ANKRD31: variants seen among roughly 807,000 people sequenced by gnomAD.
ANKRD31 encodes the protein ankyrin repeat domain 31, also known as ankyrin repeat domain-containing protein 31.
ANKRD31 carries 147 observed loss-of-function variants against 186.0 expected under a neutral mutation model. The observed-to-expected ratio is 0.79, with a 90% confidence interval of 0.69 to 0.91. The LOEUF is 0.91. ANKRD31 is among the 40% of genes least tolerant of loss of function. The pLI is 0.00. For missense variants in ANKRD31, 1,986 were observed against 2,148.8 expected (o/e 0.92, Z 1.50); for synonymous variants, 673 against 736.4 (o/e 0.91, Z 1.39).
intron 22 of ANKRD31, among the ~76,000 whole-genome samples, chr5:75,098,878 A>T (rs1746561984): frequency 1.3e-5 from 2 of 152,216 alleles, no homozygotes; most frequent in Admixed American, 6.5e-5. Context: ...ATCTGCAAAC[A>T]GGGACAATTT....
chr5:75,173,766 G>A (rs1753547233), intron 10 of ANKRD31, among the ~76,000 whole-genome samples: 1 of 152,130 alleles, frequency 6.6e-6, no homozygotes, highest in Non-Finnish European at 1.5e-5. Context: ...CCATGCTCAT[G>A]GATACGACAA....
intron 9 of ANKRD31, among the ~76,000 whole-genome samples, chr5:75,189,668 T>C (rs1038599630): frequency 2.6e-5 from 4 of 152,240 alleles, no homozygotes; most frequent in African/African-American, 7.2e-5. Flanking sequence ...GTACTTGTTA[T>C]ATTATAATTA....
At chr5:75,091,585 C>T (rs1291090803) in intron 22 of ANKRD31, among the ~76,000 whole-genome samples, 184 bp from the exon 23 acceptor site, 1 of 151,994 alleles carries the variant, frequency 6.6e-6, no homozygotes, top group East Asian at 1.9e-4. Flanking sequence ...ACCATCTAGT[C>T]AACAAAATCT....
chr5:75,116,176 G>T lies in ANKRD31; in HGVS notation c.4155+390C>A, dbSNP rs1328894212. On this transcript the variant is annotated intron_variant, in intron 19 of 25. Transcript: ENST00000506364. Reference sequence around the variant, plus strand: ...TCACAAGAACAAAAAACCAAACACCGCATATTCTCACTCATAGGTGGGAAT... The same window carrying T: ...TCACAAGAACAAAAAACCAAACACCTCATATTCTCACTCATAGGTGGGAAT... 2.7e-5 allele frequency among the ~76,000 whole-genome samples: 4 copies of T among 146,158 alleles called. No homozygotes were observed. The East Asian group carries it at 8.3e-4, about 30-fold the overall frequency.
At chr5:75,166,130 C>T (rs752114477) in intron 11 of ANKRD31, among the ~76,000 whole-genome samples, 32 of 152,070 alleles carry the variant, frequency 2.1e-4, no homozygotes, top group Admixed American at 5.2e-4. Flanking sequence ...CCAAACAGTC[C>T]AGAGTTCTAC....
chr5:75,227,531 C>T (rs960434099), intron 2 of ANKRD31, among the ~76,000 whole-genome samples: 6 of 152,058 alleles, frequency 3.9e-5, no homozygotes, highest in Non-Finnish European at 8.8e-5. Context: ...TAAATATATA[C>T]ACCTACTATG....
chr5:75,104,185 T>A (rs140530028), intron 22 of ANKRD31, 43 bp downstream of exon 22: 2 of 1,388,624 alleles, frequency 1.4e-6, no homozygotes, highest in African/African-American at 1.5e-5. Flanking sequence ...TACTCACTTA[T>A]TTATAAAATT....
intron 10 of ANKRD31, among the ~76,000 whole-genome samples, chr5:75,181,070 C>T (rs1356641491): frequency 6.6e-6 from 1 of 150,906 alleles, no homozygotes; most frequent in African/African-American, 2.4e-5. Flanking sequence ...AAAAAGTGGG[C>T]AAAGGATATG....
rs547044345 is a variant in ANKRD31 at position 75,160,469 on chromosome 5, G to C, written c.1708-6124C>G. On this transcript the variant is annotated intron_variant, in intron 11 of 25. Coordinates refer to ENST00000506364, the MANE Select transcript of ANKRD31 (RefSeq NM_001372053.1). Reference sequence around the variant, plus strand: ...ACTGAAAACAAAAAGGGAAATGGCAGGTTTAAATCCAACCATATCAATAAC... The same window carrying C: ...ACTGAAAACAAAAAGGGAAATGGCACGTTTAAATCCAACCATATCAATAAC... Among the ~76,000 whole-genome samples the C allele has an allele frequency of 7.8e-4, 118 of 152,178 alleles. 1 individual carries two copies. Among genetic ancestry groups the C allele is most frequent in the African/African-American group, 2.7e-3 (112 of 41,540 alleles).
At chr5:75,133,661 G>A (rs990257041) in intron 17 of ANKRD31, among the ~76,000 whole-genome samples, 47 of 151,934 alleles carry the variant, frequency 3.1e-4, no homozygotes, top group African/African-American at 9.4e-4. Flanking sequence ...TGCATCAAGG[G>A]GACCTAATAG....
intron 14 of ANKRD31, among the ~76,000 whole-genome samples, chr5:75,144,606 A>G (rs1751296610): frequency 6.6e-6 from 1 of 152,180 alleles, no homozygotes; most frequent in Admixed American, 6.5e-5. Context: ...AAGATGGATT[A>G]AAGACTTAAA....
At chr5:75,128,526 A>G (rs1253001461) in intron 17 of ANKRD31, among the ~76,000 whole-genome samples, 1 of 100,216 alleles carries the variant, frequency 1.0e-5, no homozygotes, top group African/African-American at 5.9e-5. Flanking sequence ...TATTTTTGAG[A>G]TGGAGTCTGG....
chr5:75,102,681 C>G (rs1309009919), intron 22 of ANKRD31, among the ~76,000 whole-genome samples: 1 of 152,238 alleles, frequency 6.6e-6, no homozygotes, highest in Non-Finnish European at 1.5e-5. Flanking sequence ...TGATCTCAGA[C>G]TGCTGTGTTA....
chr5:75,118,463 C>G (rs1176845485), intron 17 of ANKRD31, among the ~76,000 whole-genome samples, 166 bp from the exon 18 acceptor site: 1 of 152,094 alleles, frequency 6.6e-6, no homozygotes, highest in Non-Finnish European at 1.5e-5. Flanking sequence ...GCAAACTAAT[C>G]CAATTTGGAC....
intron 11 of ANKRD31, among the ~76,000 whole-genome samples, chr5:75,156,489 C>T (rs1257070489): frequency 2.0e-5 from 3 of 152,178 alleles, no homozygotes; most frequent in African/African-American, 7.2e-5. Context: ...AAAATGCCCC[C>T]TCATCCACCC....
At chr5:75,153,624 A>G (rs1751978184) in intron 12 of ANKRD31, among the ~76,000 whole-genome samples, 1 of 152,116 alleles carries the variant, frequency 6.6e-6, no homozygotes, top group African/African-American at 2.4e-5. Context: ...CTTTTCTTCT[A>G]GATTAAAGGG....
At chr5:75,153,245 C>A (rs1191103782) in intron 12 of ANKRD31, among the ~76,000 whole-genome samples, 2 of 152,088 alleles carry the variant, frequency 1.3e-5, no homozygotes, top group African/African-American at 4.8e-5. Flanking sequence ...GAGATGACTA[C>A]AACCTGTGAC....
At chr5:75,230,749 C>A in intron 1 of ANKRD31, 114 bp from the exon 2 acceptor site, 1 of 631,498 alleles carries the variant, frequency 1.6e-6, no homozygotes. Context: ...AGTTATACCA[C>A]TATTAATGTT....
chr5:75,114,009 T>C (rs896575229), intron 19 of ANKRD31, among the ~76,000 whole-genome samples: 2 of 152,194 alleles, frequency 1.3e-5, no homozygotes, highest in African/African-American at 4.8e-5. Context: ...CCAAGACTTA[T>C]CTAAAACAAG....
Sources: allele counts gnomAD v4.1 joint callset (sites outside exome capture counted in the v4.1 genomes callset), GRCh38; gene constraint gnomAD v4.1.1; transcripts MANE v1.5; gene names NCBI Gene and HGNC (gene_info 2026-07-23, HGNC 2026-07-21).